Variants in HMCN2 observed in about 807,000 individuals in gnomAD.
HMCN2 encodes the protein hemicentin-2.
HMCN2 carries 325 observed loss-of-function variants against 377.5 expected under a neutral mutation model. The observed-to-expected ratio is 0.86, with a 90% CI of 0.79 to 0.94. HMCN2 has a LOEUF of 0.94. Among genes scored for constraint, HMCN2 ranks in the 40% least tolerant of loss-of-function variants. HMCN2 has a pLI of 0.00. For synonymous variants in HMCN2, 2,007 were observed against 2,046.8 expected (o/e 0.98, Z 0.53); for missense variants, 4,543 against 4,725.3 (o/e 0.96, Z 1.13).
At chr9:130,365,272 T>G (rs900698245) in intron 41 of HMCN2, among the ~76,000 whole-genome samples, 3 of 152,256 alleles carry the variant, frequency 2.0e-5, no homozygotes, top group Admixed American at 1.3e-4. Flanking sequence ...ACCAGCCTCA[T>G]TCCTCCACCT....
intron 33 of HMCN2, 103 bp downstream of exon 33, chr9:130,355,957 G>GCCTCTTTCCTACTCCTGGA: frequency 1.1e-6 from 1 of 897,564 alleles, no homozygotes; most frequent in Non-Finnish European, 1.5e-6. Context: ...CTGTTTCCAG[G>GCCTCTTTCCTACTCCTGGA]AGTAGGAAAG....
At chr9:130,343,392 G>C (rs1234902077) in intron 25 of HMCN2, among the ~76,000 whole-genome samples, 1 of 152,172 alleles carries the variant, frequency 6.6e-6, no homozygotes, top group Non-Finnish European at 1.5e-5. Flanking sequence ...CGCCCTGGAA[G>C]GCCCCAGAAA....
At position 130,349,298 on chromosome 9, in the gene HMCN2, G is replaced by A. The variant is rs12379141; in HGVS notation, c.4303+167G>A. Reference sequence around the variant, plus strand: ...TCCTCACAGAGCTATCAGGCTTGGGGGACAGACATCAGACAGGTGAATAGC... The same window carrying A: ...TCCTCACAGAGCTATCAGGCTTGGGAGACAGACATCAGACAGGTGAATAGC... On this transcript the variant is annotated intron_variant, in intron 28 of 97. Coordinates refer to ENST00000683500, the MANE Select transcript of HMCN2 (RefSeq NM_001291815.2). Among the ~76,000 whole-genome samples the A allele has an allele frequency of 2.1e-3, 315 of 152,312 alleles. 2 individuals are homozygous for A. The highest frequency in any genetic ancestry group is 3.7e-3 in the South Asian group (18 of 4,824).
intron 77 of HMCN2, among the ~76,000 whole-genome samples, chr9:130,402,226 C>T (rs946524545): frequency 1.3e-5 from 2 of 152,256 alleles, no homozygotes; most frequent in African/African-American, 4.8e-5. Flanking sequence ...GCCTTGCTTC[C>T]TTCCCCCACC....
chr9:130,375,440 C>T (rs1841321702), intron 49 of HMCN2, 123 bp from the exon 50 acceptor site: 2 of 470,482 alleles, frequency 4.3e-6, no homozygotes, highest in African/African-American at 2.1e-5. Context: ...CCTCAGTTTC[C>T]CATCTCTGTA....
Position 130,393,824 on chromosome 9 carries a change from CCGGGGCGTT to C in HMCN2, c.10319_10327del (p.Arg3440_Val3442del). 1 of 1,289,092 alleles carries C rather than the reference CCGGGGCGTT, an allele frequency of 7.8e-7. No individual in the cohort carries two copies. Among genetic ancestry groups the C allele is most frequent in the South Asian group, 1.2e-5 (1 of 80,936 alleles). The allele number at this position is 1,289,092 out of a possible 1,614,324, so 79.9% of individuals were successfully genotyped here. On this transcript the variant is annotated inframe_deletion, in exon 68 of 98. Transcript: ENST00000683500. This position sits in a 1 kb window ranked among gnomAD's most constrained non-coding sequence, Gnocchi z 5.2. ...CCCTGGTGGAACTCCCGTGCGAGGC[CCGGGGCGTT>C]CCCCTGCCTCTCGTGTCGTGGATGA... is the stretch of plus-strand genomic sequence containing the variant.
chr9:130,316,181 C>T (rs1837549925), intron 15 of HMCN2, among the ~76,000 whole-genome samples: 2 of 152,168 alleles, frequency 1.3e-5, no homozygotes. Flanking sequence ...CCGAGGAGGA[C>T]TTGCCACCCC....
chr9:130,350,468 A>C (rs1839649535), intron 29 of HMCN2, among the ~76,000 whole-genome samples: 1 of 151,136 alleles, frequency 6.6e-6, no homozygotes, highest in African/African-American at 2.4e-5. Context: ...GAGGCAAGAG[A>C]ATCACTTGAA....
intron 14 of HMCN2, among the ~76,000 whole-genome samples, chr9:130,309,200 G>A (rs1475972137): frequency 1.3e-5 from 2 of 152,218 alleles, no homozygotes; most frequent in South Asian, 4.1e-4. Flanking sequence ...CAGGGGCGGA[G>A]AGAAGTCAGG....
chr9:130,373,617 ATGGATGG>A (rs1841177728), intron 48 of HMCN2, among the ~76,000 whole-genome samples: 2 of 146,608 alleles, frequency 1.4e-5, no homozygotes, highest in African/African-American at 5.0e-5. Flanking sequence ...GGATGGATGG[ATGGATGG>A]ATGGATGGAT....
chr9:130,322,430 A>G (rs1588240380), intron 19 of HMCN2, among the ~76,000 whole-genome samples: 1 of 152,122 alleles, frequency 6.6e-6, no homozygotes, highest in East Asian at 1.9e-4. Flanking sequence ...TAAAAACCAA[A>G]TAGGATCACA....
At chr9:130,290,111 G>GC (rs1835673620) in intron 4 of HMCN2, among the ~76,000 whole-genome samples, 1 of 152,184 alleles carries the variant, frequency 6.6e-6, no homozygotes, top group Non-Finnish European at 1.5e-5. Context: ...TGGTCCCCCA[G>GC]CCCCTCTAAC....
At chr9:130,301,580 T>A (rs1212497026) in intron 8 of HMCN2, among the ~76,000 whole-genome samples, 1 of 152,216 alleles carries the variant, frequency 6.6e-6, no homozygotes, top group East Asian at 1.9e-4. Context: ...CCAGGGTGCG[T>A]GGGTGAGTGG....
chr9:130,430,193 C>A, intron 94 of HMCN2, 91 bp from the exon 95 acceptor site: 1 of 1,102,842 alleles, frequency 9.1e-7, no homozygotes, highest in South Asian at 1.6e-5. Context: ...TAGGGAATGC[C>A]AACAAGAGAG....
In HMCN2 at chr9:130,360,151, GCCCGGTTCCAT is replaced by G. The variant is rs910497390; in HGVS notation, c.5774-267_5774-257del. Among the ~76,000 whole-genome samples, 1 of 152,116 alleles carries G rather than the reference GCCCGGTTCCAT, an allele frequency of 6.6e-6. No homozygotes were observed. Among genetic ancestry groups the G allele is most frequent in the African/African-American group, 2.4e-5 (1 of 41,408 alleles). Reference sequence around the variant, plus strand: ...CCTTGGTCCTGTCTTGGGCAACATTGCCCGGTTCCATCCCGGTTCCCTTTCCTGAATGAAGA... The same window carrying G: ...CCTTGGTCCTGTCTTGGGCAACATTGCCCGGTTCCCTTTCCTGAATGAAGA... On this transcript the variant is annotated intron_variant, in intron 37 of 97. Transcript: ENST00000683500. This position sits in a 1 kb window ranked among gnomAD's most constrained non-coding sequence, Gnocchi z 4.7.
intron 75 of HMCN2, 147 bp from the exon 76 acceptor site, chr9:130,399,364 G>A: frequency 9.9e-7 from 1 of 1,009,748 alleles, no homozygotes; most frequent in Non-Finnish European, 1.2e-6. Context: ...GACCTGTGGG[G>A]CAGAAACTTC....
At chr9:130,399,250 C>CAA (rs35123847) in intron 75 of HMCN2, among the ~76,000 whole-genome samples, 9 of 76,972 alleles carry the variant, frequency 1.2e-4, no homozygotes, top group Non-Finnish European at 1.7e-4. Context: ...GAGACTGTCT[C>CAA]AAAAAAAAAA....
rs1033530289 is a variant in HMCN2 at position 130,430,231 on chromosome 9, CTGCAGGG to C, written c.14327-52_14327-46del. The C allele has an allele frequency of 3.5e-6, 5 of 1,409,270 alleles. No homozygotes were observed. In the Admixed American group the frequency reaches 1.1e-4, roughly 31 times the overall value. 87.3% of individuals were successfully genotyped at this position (1,409,270 alleles called of 1,614,324 possible). On this transcript the variant is annotated intron_variant, in intron 94 of 97. Coordinates refer to ENST00000683500, the MANE Select transcript of HMCN2 (RefSeq NM_001291815.2). ...GGCAGGGCCAGGCAATGGCTGCAGGCTGCAGGGGAACCTGGGCCACCTGTGCACACAC... is the reference window on the plus strand; with the variant it reads ...GGCAGGGCCAGGCAATGGCTGCAGGCGAACCTGGGCCACCTGTGCACACAC...
Position 130,433,337 on chromosome 9 carries a change from G to A in HMCN2, c.14895-11G>A. On this transcript the variant is annotated splice_polypyrimidine_tract_variant and intron_variant, in intron 97 of 97. Coordinates refer to ENST00000683500, the MANE Select transcript of HMCN2 (RefSeq NM_001291815.2). ...CGAGTCCGCCTGTCCGTGTGTCTGT[G>A]CCGCCCGCAGGACGTGCTTCCGGCG... is the stretch of plus-strand genomic sequence containing the variant. The A allele has an allele frequency of 7.0e-7, 1 of 1,434,084 alleles. No individual in the cohort carries two copies. The highest frequency in any genetic ancestry group is 1.4e-5 in the South Asian group (1 of 69,126). 88.8% of individuals were successfully genotyped at this position (1,434,084 alleles called of 1,614,324 possible).
Sources: gnomAD v4.1 joint callset for allele counts (sites outside exome capture counted in the v4.1 genomes callset) on GRCh38, gnomAD v4.1.1 for gene constraint, Gnocchi (gnomAD v3.1) non-coding constraint, MANE v1.5 for transcripts, NCBI Gene and HGNC (gene_info 2026-07-23, HGNC 2026-07-21) for gene names.